Variants in PHF21B observed in about 807,000 individuals in gnomAD.
PHF21B encodes PHD finger protein 4.
A neutral mutation model predicts 62.2 loss-of-function variants in PHF21B; 22 were observed. The ratio of observed to expected loss-of-function variants is 0.35; its 90% CI spans 0.25 to 0.51. The LOEUF (loss-of-function observed/expected upper bound fraction) is 0.51, where lower values mean the gene tolerates loss of function less well. PHF21B is among the 20% of genes least tolerant of loss of function. The probability of loss-of-function intolerance (pLI) is 0.97; values close to 1 mark genes in which losing one functional copy is unlikely to be tolerated. For synonymous variants in PHF21B, 341 were observed against 314.7 expected (o/e 1.08, Z -0.88); for missense variants, 701 against 707.9 (o/e 0.99, Z 0.11).
At chr22:44,973,030 C>T (rs866011920) in intron 2 of PHF21B, among the ~76,000 whole-genome samples, 2 of 152,242 alleles carry the variant, frequency 1.3e-5, no homozygotes, top group East Asian at 1.9e-4. Flanking sequence ...AACTCCCACT[C>T]CGGGCTCTGA....
rs202001591 is a variant in PHF21B at position 44,994,974 on chromosome 22, C to T, written c.120+13571G>A. On this transcript the variant is annotated intron_variant, in intron 2 of 12. Transcript: ENST00000313237. ...CAGCTCAGGCCGAGAGGCCGCCCAC[C>T]GCCCACCCCTCCAGCTCATACTGGT... Among the ~76,000 whole-genome samples, 7 of 152,364 alleles carry T rather than the reference C, an allele frequency of 4.6e-5. No individual in the cohort carries two copies. In the East Asian group the frequency reaches 5.8e-4, roughly 13 times the overall value.
chr22:44,891,568 A>G (rs1487970226), intron 7 of PHF21B, among the ~76,000 whole-genome samples: 1 of 151,874 alleles, frequency 6.6e-6, no homozygotes, highest in African/African-American at 2.4e-5. Context: ...GGGGCGGGGC[A>G]GGGAAGTCGG....
intron 2 of PHF21B, among the ~76,000 whole-genome samples, chr22:44,984,505 C>T (rs1438467241): frequency 3.3e-5 from 5 of 152,172 alleles, no homozygotes; most frequent in African/African-American, 7.2e-5. Flanking sequence ...ACCAGGCTTC[C>T]GCAGGTGAAC....
chr22:44,986,011 CCAG>C (rs1409623954), intron 2 of PHF21B, among the ~76,000 whole-genome samples: 2 of 150,692 alleles, frequency 1.3e-5, no homozygotes, highest in African/African-American at 2.4e-5. Context: ...ACAACCATCA[CCAG>C]CAGCAGCACC....
rs2070764500 is a variant in PHF21B at position 44,882,958 on chromosome 22, C to G, written c.*128G>C. 1.7e-6 allele frequency: 2 copies of G among 1,169,116 alleles called. No individual in the cohort carries two copies. Among genetic ancestry groups the G allele is most frequent in the Non-Finnish European group, 2.4e-6 (2 of 834,858 alleles). The allele number at this position is 1,169,116 out of a possible 1,614,324, so 72.4% of individuals were successfully genotyped here. A position where few individuals can be genotyped will look rare whatever the true frequency, so the allele number is the denominator to read the frequency against. On this transcript the variant is annotated 3_prime_UTR_variant, in exon 13 of 13. Coordinates refer to ENST00000313237, the MANE Select transcript of PHF21B (RefSeq NM_138415.5). ...CCTCTCGCCCAGCTCTTCCTCCCTC[C>G]TCTCCTCTGTCTGGTTAATTTTTGT...
At chr22:44,980,542 TG>T (rs1020480526) in intron 2 of PHF21B, among the ~76,000 whole-genome samples, 37 of 152,118 alleles carry the variant, frequency 2.4e-4, no homozygotes, top group African/African-American at 8.2e-4. Context: ...GAAGGGGGTC[TG>T]GAGGAGCTGT....
chr22:44,898,261 G>A (rs2071093888), intron 5 of PHF21B, among the ~76,000 whole-genome samples: 1 of 152,162 alleles, frequency 6.6e-6, no homozygotes, highest in South Asian at 2.1e-4. Flanking sequence ...ACCCTCAATT[G>A]GGATTTGTCT....
At chr22:44,910,400 C>A (rs2071324312) in intron 5 of PHF21B, among the ~76,000 whole-genome samples, 1 of 152,132 alleles carries the variant, frequency 6.6e-6, no homozygotes, top group Non-Finnish European at 1.5e-5. Context: ...CCAGCCTGGG[C>A]AACATGGAGA....
chr22:44,928,367 C>T (rs1471712795), intron 2 of PHF21B, among the ~76,000 whole-genome samples: 1 of 152,174 alleles, frequency 6.6e-6, no homozygotes, highest in African/African-American at 2.4e-5. Flanking sequence ...GTCTCTTCTG[C>T]CTCTTTCCAT....
chr22:44,932,499 C>T (rs923319879), intron 2 of PHF21B, among the ~76,000 whole-genome samples: 1 of 152,220 alleles, frequency 6.6e-6, no homozygotes, highest in East Asian at 1.9e-4. Flanking sequence ...GATGGTAGTG[C>T]CTCTAGCTGC....
intron 1 of PHF21B, chr22:45,008,838 G>T: frequency 8.4e-7 from 1 of 1,184,502 alleles, no homozygotes; most frequent in Admixed American, 4.5e-5. Context: ...GCGGGGCGGG[G>T]GCCGAGGCCA....
intron 2 of PHF21B, among the ~76,000 whole-genome samples, chr22:44,922,030 T>G (rs1263498865): frequency 6.6e-6 from 1 of 152,198 alleles, no homozygotes; most frequent in Non-Finnish European, 1.5e-5. Flanking sequence ...GGGAACCCCT[T>G]GCTCAGATCC....
intron 2 of PHF21B, among the ~76,000 whole-genome samples, chr22:44,978,944 G>A (rs1212446578): frequency 6.6e-6 from 1 of 152,224 alleles, no homozygotes; most frequent in South Asian, 2.1e-4. Context: ...TGGCCCCGGG[G>A]AGAAAACGCA....
chr22:44,992,565 C>T (rs2073057950), intron 2 of PHF21B, among the ~76,000 whole-genome samples: 1 of 152,246 alleles, frequency 6.6e-6, no homozygotes, highest in African/African-American at 2.4e-5. Flanking sequence ...GTGTCTTCCA[C>T]AGGCTGGACT....
rs1478738507 is a variant in PHF21B at position 44,916,310 on chromosome 22, G to C, written c.534C>G (p.Val178=). 1 of 1,601,470 alleles carries C rather than the reference G, an allele frequency of 6.2e-7. No homozygotes were observed. Among genetic ancestry groups the C allele is most frequent in the African/African-American group, 1.3e-5 (1 of 74,208 alleles). Residue 178 remains valine (V), a synonymous_variant, in exon 4 of 13, where the codon GTC becomes GTG. Transcript: ENST00000313237. The part of the protein sequence containing the change: ...AVSVVSDSIK[V]QPLLISADNK... Reference sequence around the variant, plus strand: ...TGTCAGCACTGATGAGGAGGGGCTGGACTTTGATGCTGTCACTGACCACAG... The same window carrying C: ...TGTCAGCACTGATGAGGAGGGGCTGCACTTTGATGCTGTCACTGACCACAG...
chr22:44,985,849 T>C (rs1390666139), intron 2 of PHF21B, among the ~76,000 whole-genome samples: 4 of 151,162 alleles, frequency 2.6e-5, no homozygotes, highest in East Asian at 3.9e-4. Context: ...GCCACTACCA[T>C]CACAATGATC....
chr22:45,000,282 A>C (rs1012827996), intron 2 of PHF21B, among the ~76,000 whole-genome samples: 2 of 152,134 alleles, frequency 1.3e-5, no homozygotes, highest in African/African-American at 4.8e-5. Flanking sequence ...AAAGCTCCTT[A>C]ACCCCCTAGA....
intron 10 of PHF21B, among the ~76,000 whole-genome samples, chr22:44,886,331 C>G (rs1370637816): frequency 2.0e-5 from 3 of 146,734 alleles, no homozygotes; most frequent in Non-Finnish European, 4.5e-5. Context: ...AATTCTGTTC[C>G]CTCTCCACAT....
intron 12 of PHF21B, among the ~76,000 whole-genome samples, chr22:44,884,573 C>T (rs1043342051): frequency 1.3e-5 from 2 of 151,694 alleles, no homozygotes; most frequent in Admixed American, 1.3e-4. Context: ...CCATTATCAC[C>T]ATCACTGTGA....
Sources: allele counts gnomAD v4.1 joint callset (sites outside exome capture counted in the v4.1 genomes callset), GRCh38; gene constraint gnomAD v4.1.1; transcripts MANE v1.5; gene names NCBI Gene and HGNC (gene_info 2026-07-23, HGNC 2026-07-21).